The following VWA1 variants were observed in gnomAD, a reference collection of about 807,000 sequenced individuals.
The protein encoded by VWA1 is von Willebrand factor A domain-containing protein 1.
In VWA1, 12 loss-of-function variants were observed where a neutral mutation model predicts 14.9. The observed-to-expected ratio is 0.80, with a 90% CI of 0.52 to 1.30. The LOEUF is 1.30. VWA1 is among the 50% of genes most tolerant of loss of function. VWA1 has a pLI of 0.00. For missense variants in VWA1, 800 were observed against 649.1 expected, an observed-to-expected ratio of 1.23 and a Z score of -2.53; for synonymous variants, 368 against 310.7, an observed-to-expected ratio of 1.18 and a Z score of -1.94.
chr1:1,435,754 C>T lies in VWA1; in HGVS notation c.6C>T (p.Leu2=), dbSNP rs1424457391. 7 of 1,225,086 alleles carry T rather than the reference C, an allele frequency of 5.7e-6. No individual in the cohort carries two copies. The highest frequency in any genetic ancestry group is 7.2e-6 in the Non-Finnish European group (7 of 976,560). The allele number at this position is 1,225,086 out of a possible 1,614,324, so 75.9% of individuals were successfully genotyped here. Residue 2 remains leucine, a synonymous_variant, in exon 1 of 3, where the codon CTC becomes CTT. Coordinates refer to ENST00000476993, the MANE Select transcript of VWA1 (RefSeq NM_022834.5). M[L]PWTALGLALS... The stretch of plus-strand genomic sequence containing the variant: ...CGCCCCGTCCCTCGCGCGCGATGCT[C>T]CCCTGGACGGCGCTCGGCCTGGCCC...
rs751744261 is a variant in VWA1 at position 1,437,155 on chromosome 1, T to C, written c.302T>C (p.Val101Ala). Residue 101 changes from valine to alanine, a missense_variant, in exon 2 of 3, where the codon GTG (valine) becomes GCG (alanine). Coordinates refer to ENST00000476993, the MANE Select transcript of VWA1 (RefSeq NM_022834.5). Reference protein sequence around the residue: ...HSSGEAAQDAVRASAQRMGDT... With the variant: ...HSSGEAAQDAARASAQRMGDT... Reference sequence around the variant, plus strand: ...TCGGGTGAGGCTGCCCAGGATGCGGTGCGTGCTTCTGCCCAGCGCATGGGT... The same window carrying C: ...TCGGGTGAGGCTGCCCAGGATGCGGCGCGTGCTTCTGCCCAGCGCATGGGT... 2.5e-6 allele frequency: 4 copies of C among 1,608,968 alleles called. No individual in the cohort carries two copies. Among genetic ancestry groups the C allele is most frequent in the East Asian group, 4.5e-5 (2 of 44,760 alleles).
In VWA1 at chr1:1,439,997, C is replaced by A; in HGVS notation, c.*210C>A. The A allele has an allele frequency of 2.3e-6, 1 of 426,728 alleles. No individual in the cohort carries two copies. Among genetic ancestry groups the A allele is most frequent in the Non-Finnish European group, 3.3e-6 (1 of 303,190 alleles). The allele number at this position is 426,728 out of a possible 1,614,324, so 26.4% of individuals were successfully genotyped here. Reference sequence around the variant, plus strand: ...GGGCTGGGGCCTCGCCTGGCGGGACCCCGCAGCAGCCCCGGCCCCATCCCC... The same window carrying A: ...GGGCTGGGGCCTCGCCTGGCGGGACACCGCAGCAGCCCCGGCCCCATCCCC... On this transcript the variant is annotated 3_prime_UTR_variant, in exon 3 of 3. Coordinates refer to ENST00000476993, the MANE Select transcript of VWA1 (RefSeq NM_022834.5).
At position 1,439,127 on chromosome 1, in the gene VWA1, C is replaced by A. The variant is rs1302453568; in HGVS notation, c.678C>A (p.Ser226Arg). 1 of 1,600,686 alleles carries A rather than the reference C, an allele frequency of 6.2e-7. No homozygotes were observed. Among genetic ancestry groups the A allele is most frequent in the East Asian group, 2.2e-5 (1 of 44,784 alleles). Reference protein sequence around the residue: ...QQLHATEITSSGFRLAWPPLL... With the variant: ...QQLHATEITSRGFRLAWPPLL... ...TCCATGCCACGGAGATCACGTCCAG[C>A]GGCTTCCGCCTGGCCTGGCCACCCC... The change falls in exon 3 of 3, where the codon AGC (serine) becomes AGA (arginine). Residue 226 changes from serine (S) to arginine (R), a missense_variant. Ser to Arg is a moderately radical substitution (Grantham distance 110). Coordinates refer to ENST00000476993, the MANE Select transcript of VWA1 (RefSeq NM_022834.5).
chr1:1,439,078 C>T lies in VWA1; in HGVS notation c.632-3C>T. 6.3e-7 allele frequency: 1 copy of T among 1,597,290 alleles called. No individual in the cohort carries two copies. The highest frequency in any genetic ancestry group is 8.5e-7 in the Non-Finnish European group (1 of 1,179,010). On this transcript the variant is annotated splice_region_variant and splice_polypyrimidine_tract_variant and intron_variant, in intron 2 of 2. Transcript: ENST00000476993. ...GTTCCCTGACCCCCTGCACCACCCA[C>T]AGACGCGATGCGGCCGCAGCAGCTC...
rs143159641 is a variant in VWA1, at chr1:1,438,587, C to T, written c.632-494C>T. ...GAGTCCCCCTCTGGAGAACCCCACC[C>T]CACACTCTCCTGGGGACCCAGGGCA... On this transcript the variant is annotated intron_variant, in intron 2 of 2. Transcript: ENST00000476993. 3.3e-3 allele frequency among the ~76,000 whole-genome samples: 504 copies of T among 152,248 alleles called. 1 individual carries two copies. The highest frequency in any genetic ancestry group is 0.012 in the African/African-American group (490 of 41,544).
Position 1,437,181 on chromosome 1 carries a change from G to A in VWA1, c.328G>A (p.Asp110Asn). The A allele has an allele frequency of 6.2e-7, 1 of 1,611,702 alleles. No homozygotes were observed. The highest frequency in any genetic ancestry group is 1.1e-5 in the South Asian group (1 of 90,862). Residue 110 changes from aspartate (D) to asparagine (N), a missense_variant, in exon 2 of 3, where the codon GAC becomes AAC. Physicochemically the swap from Asp to Asn is conservative, Grantham distance 23 (BLOSUM62 1). Transcript: ENST00000476993. Reference protein sequence around the residue: ...AVRASAQRMGDTHTGLALVYA... With the variant: ...AVRASAQRMGNTHTGLALVYA... ...GCGTGCTTCTGCCCAGCGCATGGGT[G>A]ACACCCACACTGGCCTGGCGCTGGT... is the stretch of plus-strand genomic sequence containing the variant.
chr1:1,442,202 T>C lies in VWA1; in HGVS notation c.*2415T>C, dbSNP rs1173485497. On this transcript the variant is annotated 3_prime_UTR_variant, in exon 3 of 3. Transcript: ENST00000476993. Reference sequence around the variant, plus strand: ...GTCTCCTCCACCTCCCCTGACACAATCCTGGCCCCGACTCAGTCCACCCAG... The same window carrying C: ...GTCTCCTCCACCTCCCCTGACACAACCCTGGCCCCGACTCAGTCCACCCAG... 1 of 152,274 alleles carries C rather than the reference T, an allele frequency of 6.6e-6. No individual in the cohort carries two copies. The highest frequency in any genetic ancestry group is 2.4e-5 in the African/African-American group (1 of 41,412). The allele number at this position is 152,274 out of a possible 1,614,324, so 9.4% of individuals were successfully genotyped here.
chr1:1,438,950 T>C, intron 2 of VWA1, 131 bp from the exon 3 acceptor site: 1 of 1,392,304 alleles, frequency 7.2e-7, no homozygotes, highest in Non-Finnish European at 9.4e-7. Context: ...CTCCAGCAGC[T>C]CCTTGGCCGC....
intron 2 of VWA1, among the ~76,000 whole-genome samples, chr1:1,438,727 C>G (rs918250879): frequency 6.6e-6 from 1 of 152,114 alleles, no homozygotes; most frequent in Admixed American, 6.5e-5. Context: ...TGGGGCTGGT[C>G]CTCTGCTCTC....
Position 1,439,357 on chromosome 1 carries a change from C to T in VWA1, c.908C>T (p.Pro303Leu). 6.5e-7 allele frequency: 1 copy of T among 1,545,004 alleles called. No individual in the cohort carries two copies. Among genetic ancestry groups the T allele is most frequent in the Non-Finnish European group, 8.7e-7 (1 of 1,151,962 alleles). ...CAGATCCTGCGGGTGCGCACGCGGC[C>T]CGGTGAGGCAGGGCCGGGGGCTTCG... Reference protein sequence around the residue: ...RPQILRVRTRPGEAGPGASGP... With the variant: ...RPQILRVRTRLGEAGPGASGP... Residue 303 changes from proline (P) to leucine (L), a missense_variant, in exon 3 of 3, where the codon CCC becomes CTC. Pro to Leu is a moderately conservative substitution (Grantham distance 98). Transcript: ENST00000476993.
chr1:1,436,714 C>T (rs973582672), intron 1 of VWA1: 1 of 563,100 alleles, frequency 1.8e-6, no homozygotes, highest in African/African-American at 1.9e-5. Flanking sequence ...ATAACACAAG[C>T]CCAGAGAGAG....
rs1382468365 is a variant in VWA1 at position 1,439,163 on chromosome 1, A to C, written c.714A>C (p.Ala238=). Residue 238 remains alanine, a synonymous_variant, in exon 3 of 3, where the codon GCA becomes GCC. Coordinates refer to ENST00000476993, the MANE Select transcript of VWA1 (RefSeq NM_022834.5). ...TGGCCTGGCCACCCCTGCTGACCGCAGACTCGGGCTACTATGTGCTGGAGC... is the reference window on the plus strand; with the variant it reads ...TGGCCTGGCCACCCCTGCTGACCGCCGACTCGGGCTACTATGTGCTGGAGC... The part of the protein sequence containing the change: ...FRLAWPPLLT[A]DSGYYVLELV... 1.9e-6 allele frequency: 3 copies of C among 1,604,150 alleles called. No homozygotes were observed. Among genetic ancestry groups the C allele is most frequent in the Middle Eastern group, 1.7e-4 (1 of 6,056 alleles).
chr1:1,437,750 C>T (rs1426353291), intron 2 of VWA1, among the ~76,000 whole-genome samples: 4 of 152,150 alleles, frequency 2.6e-5, no homozygotes, highest in Admixed American at 6.5e-5. Flanking sequence ...GCCCAGACCT[C>T]GAGGCCCCAG....
chr1:1,439,100 G>C lies in VWA1; in HGVS notation c.651G>C (p.Gln217His). 4 of 1,599,314 alleles carry C rather than the reference G, an allele frequency of 2.5e-6. No individual in the cohort carries two copies. The highest frequency in any genetic ancestry group is 3.4e-6 in the Non-Finnish European group (4 of 1,179,444). ...GSILDAMRPQQLHATEITSSG... is the reference protein window; with the variant it reads ...GSILDAMRPQHLHATEITSSG... ...CCACAGACGCGATGCGGCCGCAGCA[G>C]CTCCATGCCACGGAGATCACGTCCA... Residue 217 changes from glutamine to histidine, a missense_variant, in exon 3 of 3, where the codon CAG becomes CAC. Coordinates refer to ENST00000476993, the MANE Select transcript of VWA1 (RefSeq NM_022834.5).
Position 1,442,155 on chromosome 1 carries a change from G to A in VWA1, c.*2368G>A, listed in dbSNP as rs78727284. The A allele has an allele frequency of 0.051, 7,769 of 152,540 alleles. 299 individuals are homozygous for A. The highest frequency in any genetic ancestry group is 0.12 in the East Asian group (636 of 5,174). The allele number at this position is 152,540 out of a possible 1,614,324, so 9.4% of individuals were successfully genotyped here. A position where few individuals can be genotyped will look rare whatever the true frequency, so the allele number is the denominator to read the frequency against. On this transcript the variant is annotated 3_prime_UTR_variant, in exon 3 of 3. Coordinates refer to ENST00000476993, the MANE Select transcript of VWA1 (RefSeq NM_022834.5). ...GGCCCCGGAGTGCTCCGTCCAGGCC[G>A]CTGTGAACCGGCTGTCCCCGCGTCT...
At chr1:1,437,521 T>G in intron 2 of VWA1, 37 bp downstream of exon 2, 1 of 1,567,144 alleles carries the variant, frequency 6.4e-7, no homozygotes, top group Non-Finnish European at 8.7e-7. Context: ...GAGCCCTAGC[T>G]GGGAGCCGCA....
At position 1,441,249 on chromosome 1, in the gene VWA1, A is replaced by G. The variant is rs1235479619; in HGVS notation, c.*1462A>G. On this transcript the variant is annotated 3_prime_UTR_variant, in exon 3 of 3. Transcript: ENST00000476993. ...ACAGCTGGCCTTGGCACCGTCTCCCAAGAACCCAGCTCTGTGCATCCCGTG... is the reference window on the plus strand; with the variant it reads ...ACAGCTGGCCTTGGCACCGTCTCCCGAGAACCCAGCTCTGTGCATCCCGTG... 1 of 152,226 alleles carries G rather than the reference A, an allele frequency of 6.6e-6. No homozygotes were observed. Among genetic ancestry groups the G allele is most frequent in the Non-Finnish European group, 1.5e-5 (1 of 68,054 alleles). 9.4% of individuals were successfully genotyped at this position (152,226 alleles called of 1,614,324 possible).
Position 1,436,997 on chromosome 1 carries a change from C to A in VWA1, c.144C>A (p.Tyr48Ter). The change falls in exon 2 of 3, where the codon TAC (tyrosine) becomes TAA (stop). Residue 48 changes from tyrosine (Y) to a stop codon, truncating the protein, a stop_gained. Coordinates refer to ENST00000476993, the MANE Select transcript of VWA1 (RefSeq NM_022834.5). LOFTEE classifies it high-confidence loss of function. ...LLDSSASVSH[Y>*]EFSRVREFVG... is the part of the protein sequence containing the mutation. ...ACAGCTCAGCCAGCGTCTCTCACTA[C>A]GAGTTCTCCCGGGTTCGGGAGTTTG... The A allele has an allele frequency of 6.2e-7, 1 of 1,612,648 alleles. No individual in the cohort carries two copies. Among genetic ancestry groups the A allele is most frequent in the South Asian group, 1.1e-5 (1 of 91,046 alleles).
At chr1:1,438,196 G>C (rs561728288) in intron 2 of VWA1, among the ~76,000 whole-genome samples, 8 of 152,188 alleles carry the variant, frequency 5.3e-5, no homozygotes, top group South Asian at 2.1e-4. Context: ...ACCCAGAGCC[G>C]GAAGGGGTTG....
Sources: allele counts gnomAD v4.1 joint callset (sites outside exome capture counted in the v4.1 genomes callset), GRCh38; gene constraint gnomAD v4.1.1; transcripts MANE v1.5; gene names NCBI Gene and HGNC (gene_info 2026-07-23, HGNC 2026-07-21).